ASIC2: variants seen among roughly 807,000 people sequenced by gnomAD.
ASIC2 encodes the protein acid-sensing ion channel 2.
A neutral mutation model predicts 57.3 loss-of-function variants in ASIC2; 25 were observed. The ratio of observed to expected loss-of-function variants is 0.44; its 90% CI spans 0.32 to 0.61. The LOEUF (loss-of-function observed/expected upper bound fraction) is 0.61, where lower values mean the gene tolerates loss of function less well. Ranked by LOEUF, ASIC2 falls within the 20% of genes least tolerant of loss-of-function variation. ASIC2 has a pLI of 0.06. For synonymous variants in ASIC2, 319 were observed against 307.5 expected (o/e 1.04, Z -0.39); for missense variants, 641 against 738.1 (o/e 0.87, Z 1.52).
chr17:33,489,823 CA>C (rs1204649347), intron 1 of ASIC2, among the ~76,000 whole-genome samples: 2 of 152,200 alleles, frequency 1.3e-5, no homozygotes, highest in Non-Finnish European at 2.9e-5. Context: ...ATGTCTGGGA[CA>C]TGGGAATTTG....
At chr17:33,895,635 A>G (rs1335432523) in intron 1 of ASIC2, among the ~76,000 whole-genome samples, 2 of 152,238 alleles carry the variant, frequency 1.3e-5, no homozygotes, top group Admixed American at 1.3e-4. Flanking sequence ...TGGAGCCAAC[A>G]GACAAATAGC....
chr17:33,165,394 G>A (rs1291555171), intron 1 of ASIC2, among the ~76,000 whole-genome samples: 5 of 152,178 alleles, frequency 3.3e-5, no homozygotes, highest in Admixed American at 2.0e-4. Context: ...CCTGAGCTGG[G>A]TAGTCACAGA....
At chr17:33,126,856 CTTTTTTTT>C (rs1159710708) in intron 1 of ASIC2, among the ~76,000 whole-genome samples, 2 of 85,326 alleles carry the variant, frequency 2.3e-5, no homozygotes, top group African/African-American at 4.8e-5. Flanking sequence ...TACCATTACT[CTTTTTTTT>C]TTTTTTTTTT....
intron 1 of ASIC2, among the ~76,000 whole-genome samples, chr17:34,050,954 G>C (rs777993145): frequency 4.6e-5 from 7 of 152,184 alleles, no homozygotes; most frequent in African/African-American, 7.2e-5. Flanking sequence ...CAGATGAAAT[G>C]GGTTGTGATT....
At chr17:33,853,510 C>T (rs777930454) in intron 1 of ASIC2, among the ~76,000 whole-genome samples, 7 of 152,116 alleles carry the variant, frequency 4.6e-5, no homozygotes, top group African/African-American at 7.2e-5. Context: ...TGACCTGGAC[C>T]GTCTCTAAGC....
intron 1 of ASIC2, among the ~76,000 whole-genome samples, chr17:33,653,408 T>C (rs1266535607): frequency 6.6e-6 from 1 of 152,232 alleles, no homozygotes; most frequent in Non-Finnish European, 1.5e-5. Flanking sequence ...TAAAACAATG[T>C]ATAACACATC....
intron 1 of ASIC2, among the ~76,000 whole-genome samples, chr17:33,532,937 G>A (rs1199206308): frequency 6.6e-6 from 1 of 152,226 alleles, no homozygotes; most frequent in Non-Finnish European, 1.5e-5. Flanking sequence ...CTTATTAGTA[G>A]TGACAACCAA....
chr17:33,810,309 T>C (rs1421858794), intron 1 of ASIC2, among the ~76,000 whole-genome samples: 3 of 152,202 alleles, frequency 2.0e-5, no homozygotes, highest in Non-Finnish European at 2.9e-5. Flanking sequence ...TATCAGTCTA[T>C]TCTATTGGTT....
intron 1 of ASIC2, among the ~76,000 whole-genome samples, chr17:33,608,246 T>A (rs1172796041): frequency 2.0e-5 from 3 of 152,148 alleles, no homozygotes; most frequent in Non-Finnish European, 2.9e-5. Flanking sequence ...CTCACACTAT[T>A]GCCCTTTTTT....
intron 3 of ASIC2, among the ~76,000 whole-genome samples, chr17:33,066,292 G>A (rs536692085): frequency 6.6e-6 from 1 of 152,288 alleles, no homozygotes; most frequent in African/African-American, 2.4e-5. Flanking sequence ...CCTGGGAGAA[G>A]AATGGCTGTC....
intron 1 of ASIC2, among the ~76,000 whole-genome samples, chr17:34,077,037 G>C (rs946763004): frequency 6.6e-6 from 1 of 152,240 alleles, no homozygotes; most frequent in Non-Finnish European, 1.5e-5. Context: ...TGATAACTAA[G>C]GAGGTGAACC....
chr17:34,028,752 C>T (rs1365254811), intron 1 of ASIC2, among the ~76,000 whole-genome samples: 3 of 152,170 alleles, frequency 2.0e-5, no homozygotes, highest in African/African-American at 7.2e-5. Flanking sequence ...AAATCCTCTC[C>T]TCACAGAGAA....
chr17:33,779,079 C>A (rs1053810418), intron 1 of ASIC2, among the ~76,000 whole-genome samples: 1 of 152,074 alleles, frequency 6.6e-6, no homozygotes, highest in South Asian at 2.1e-4. Flanking sequence ...GTCATAGGGG[C>A]CCAGACCACT....
intron 1 of ASIC2, among the ~76,000 whole-genome samples, chr17:33,777,648 C>T (rs1327511574): frequency 6.6e-6 from 1 of 152,172 alleles, no homozygotes; most frequent in Admixed American, 6.5e-5. Flanking sequence ...ATTCAGCCTG[C>T]TGTGCGGTAA....
chr17:33,542,248 T>G (rs1471223761), intron 1 of ASIC2, among the ~76,000 whole-genome samples: 1 of 151,630 alleles, frequency 6.6e-6, no homozygotes, highest in African/African-American at 2.4e-5. Flanking sequence ...TATAGTCATT[T>G]GGGTATATAC....
chr17:33,032,242 T>G (rs1275314293), intron 3 of ASIC2, among the ~76,000 whole-genome samples: 8 of 152,292 alleles, frequency 5.3e-5, no homozygotes, highest in African/African-American at 1.4e-4. Flanking sequence ...TAGTAGTTCA[T>G]TCTGTTTTCT....
chr17:33,260,693 C>T (rs534776060), intron 1 of ASIC2, among the ~76,000 whole-genome samples: 12 of 152,278 alleles, frequency 7.9e-5, no homozygotes, highest in African/African-American at 7.2e-5. Flanking sequence ...CCAGAGATGC[C>T]GTGATAGTCA....
intron 1 of ASIC2, among the ~76,000 whole-genome samples, chr17:33,596,488 T>G (rs1206851811): frequency 1.3e-5 from 2 of 152,198 alleles, no homozygotes; most frequent in Non-Finnish European, 2.9e-5. Flanking sequence ...AGTTATTTGC[T>G]CTCTGTGTTT....
intron 1 of ASIC2, among the ~76,000 whole-genome samples, chr17:33,581,872 T>C (rs775039311): frequency 2.0e-5 from 3 of 152,194 alleles, no homozygotes; most frequent in Non-Finnish European, 2.9e-5. Flanking sequence ...TTTTTCCTTT[T>C]GGTTTAGCTT....
Sources: allele counts gnomAD v4.1 joint callset (sites outside exome capture counted in the v4.1 genomes callset), GRCh38; gene constraint gnomAD v4.1.1; transcripts MANE v1.5; gene names NCBI Gene and HGNC (gene_info 2026-07-23, HGNC 2026-07-21).